The following CCDC92B variants were observed in gnomAD, a reference collection of about 807,000 sequenced individuals.
CCDC92B encodes the protein coiled-coil domain-containing 92B.
In CCDC92B, 2 loss-of-function variants were observed where a neutral mutation model predicts 5.6. That is an observed-to-expected ratio of 0.36 (90% confidence interval 0.15 to 1.12). The LOEUF (loss-of-function observed/expected upper bound fraction) is 1.12, where lower values mean the gene tolerates loss of function less well. CCDC92B is among the 50% of genes most tolerant of loss of function. The probability of loss-of-function intolerance (pLI) is 0.40; values close to 1 mark genes in which losing one functional copy is unlikely to be tolerated. For synonymous variants in CCDC92B, 115 were observed against 122.3 expected (o/e 0.94, Z 0.39); for missense variants, 271 against 262.2 (o/e 1.03, Z -0.23).
In CCDC92B at chr17:2,733,031, AAAATAAAT is replaced by A. The variant is rs35413178; in HGVS notation, c.130+1977_130+1984del. ...CTGTCTCAAAATAAATAAATAAATAAAAATAAATAAATAAATAAATAAATAAATAACTA... is the reference window on the plus strand; with the variant it reads ...CTGTCTCAAAATAAATAAATAAATAAAAATAAATAAATAAATAAATAACTA... On this transcript the variant is annotated intron_variant, in intron 2 of 3. Coordinates refer to ENST00000614400, the MANE Select transcript of CCDC92B (RefSeq NM_001355573.2). 1.6e-3 allele frequency among the ~76,000 whole-genome samples: 225 copies of A among 144,258 alleles called. 2 individuals are homozygous for A. Among genetic ancestry groups the A allele is most frequent in the African/African-American group, 4.4e-3 (175 of 39,812 alleles). The allele number at this position is 144,258 out of a possible 152,430, so 94.6% of individuals were successfully genotyped here.
chr17:2,730,568 AGAG>A, intron 2 of CCDC92B, 75 bp from the exon 3 acceptor site: 2 of 269,680 alleles, frequency 7.4e-6, no homozygotes, highest in Non-Finnish European at 9.8e-6. Context: ...TGTGTGAGAG[AGAG>A]AGAGAGAGAG....
rs2151735823 is a variant in CCDC92B at position 2,724,335 on chromosome 17, C to T, written c.*76G>A. On this transcript the variant is annotated 3_prime_UTR_variant, in exon 4 of 4. Transcript: ENST00000614400. The surrounding 1 kb of genome is among the most constrained non-coding windows in gnomAD (Gnocchi z 5.0). ...GGGGCGGCTGCCCTCCGACCCGGGA[C>T]CTGCCTGCGGGGACCGAGCTGCGTC... 1 of 985,198 alleles carries T rather than the reference C, an allele frequency of 1.0e-6. No homozygotes were observed. The highest frequency in any genetic ancestry group is 1.1e-4 in the East Asian group (1 of 8,742). 61.0% of individuals were successfully genotyped at this position (985,198 alleles called of 1,614,324 possible).
At chr17:2,741,597 T>C (rs1206911620) in intron 1 of CCDC92B, among the ~76,000 whole-genome samples, 4 of 136,416 alleles carry the variant, frequency 2.9e-5, no homozygotes, top group African/African-American at 6.3e-5. Context: ...GAGAATCTCT[T>C]TTTTTTTTTT....
intron 3 of CCDC92B, among the ~76,000 whole-genome samples, 195 bp downstream of exon 3, chr17:2,730,251 T>TCA (rs1469657453): frequency 6.6e-6 from 1 of 152,076 alleles, no homozygotes; most frequent in African/African-American, 2.4e-5. Context: ...TGCAGGTTGT[T>TCA]CACTGCACAA....
intron 3 of CCDC92B, among the ~76,000 whole-genome samples, chr17:2,725,443 G>A (rs769539325): frequency 1.3e-5 from 2 of 151,700 alleles, no homozygotes; most frequent in South Asian, 2.1e-4. Flanking sequence ...CCACCTGCAC[G>A]TCCTACCGCG....
At chr17:2,743,788 C>T (rs940107752) in intron 1 of CCDC92B, among the ~76,000 whole-genome samples, 1 of 152,180 alleles carries the variant, frequency 6.6e-6, no homozygotes, top group African/African-American at 2.4e-5. Context: ...AAAATAGAAG[C>T]TTTTGTTACT....
rs374575618 is a variant in CCDC92B, at chr17:2,729,119, G to A, written c.178+1327C>T. Among the ~76,000 whole-genome samples the A allele has an allele frequency of 8.7e-4, 132 of 152,176 alleles. 3 individuals are homozygous for A. In the East Asian group the frequency reaches 0.016, roughly 19 times the overall value. ...ACTCCTGGGCTCAAGTGATTCTCCT[G>A]CCTTGGTTTCCTAAAGTCTTGGGAT... On this transcript the variant is annotated intron_variant, in intron 3 of 3. Transcript: ENST00000614400.
chr17:2,730,107 C>T (rs2070776194), intron 3 of CCDC92B, among the ~76,000 whole-genome samples: 1 of 152,142 alleles, frequency 6.6e-6, no homozygotes, highest in African/African-American at 2.4e-5. Context: ...TCCTTCATGC[C>T]TTACTTTCCT....
At chr17:2,733,058 ATAAC>A (rs1377349185) in intron 2 of CCDC92B, among the ~76,000 whole-genome samples, 5 of 136,444 alleles carry the variant, frequency 3.7e-5, no homozygotes, top group Admixed American at 2.2e-4. Context: ...AAATAAATAA[ATAAC>A]TAGTAAAAAA....
chr17:2,743,570 G>T (rs1030528647), intron 1 of CCDC92B, among the ~76,000 whole-genome samples: 5 of 152,158 alleles, frequency 3.3e-5, no homozygotes, highest in Non-Finnish European at 5.9e-5. Context: ...GGCTCCCTCT[G>T]TCCTCATCCT....
In CCDC92B at chr17:2,744,419, G is replaced by C. The variant is rs1422181531; in HGVS notation, c.-24+4992C>G. On this transcript the variant is annotated intron_variant, in intron 1 of 3. Coordinates refer to ENST00000614400, the MANE Select transcript of CCDC92B (RefSeq NM_001355573.2). Reference sequence around the variant, plus strand: ...TTGCCCAGGCTGACCTCGAACTCCTGGTCTCAAGCAGTCTTCCGGCTTTGG... The same window carrying C: ...TTGCCCAGGCTGACCTCGAACTCCTCGTCTCAAGCAGTCTTCCGGCTTTGG... 3.3e-5 allele frequency among the ~76,000 whole-genome samples: 5 copies of C among 151,654 alleles called. No homozygotes were observed. In the East Asian group the frequency reaches 9.7e-4, roughly 29 times the overall value.
At chr17:2,748,506 TTGTGTGTGTGTGTGTGTG>T (rs58659149) in intron 1 of CCDC92B, 2 of 713,000 alleles carry the variant, frequency 2.8e-6, no homozygotes, top group African/African-American at 3.8e-5. Flanking sequence ...TTCATCGTGT[TTGTGTGTGTGTGTGTGTG>T]TGTGTGTGTG....
Position 2,724,316 on chromosome 17 carries a change from G to A in CCDC92B, c.*95C>T, listed in dbSNP as rs531083838. On this transcript the variant is annotated 3_prime_UTR_variant, in exon 4 of 4. Coordinates refer to ENST00000614400, the MANE Select transcript of CCDC92B (RefSeq NM_001355573.2). This position sits in a 1 kb window ranked among gnomAD's most constrained non-coding sequence, Gnocchi z 5.0. ...CGCCCCGCTTCCTGGAGGAGGGGCG[G>A]CTGCCCTCCGACCCGGGACCTGCCT... 3 of 985,032 alleles carry A rather than the reference G, an allele frequency of 3.0e-6. No homozygotes were observed. Among genetic ancestry groups the A allele is most frequent in the Non-Finnish European group, 3.6e-6 (3 of 829,848 alleles). 61.0% of individuals were successfully genotyped at this position (985,032 alleles called of 1,614,324 possible). A position where few individuals can be genotyped will look rare whatever the true frequency, so the allele number is the denominator to read the frequency against.
chr17:2,740,072 G>A (rs1044849080), intron 1 of CCDC92B, among the ~76,000 whole-genome samples: 2 of 152,074 alleles, frequency 1.3e-5, no homozygotes, highest in African/African-American at 4.8e-5. Context: ...AGAATAAAGA[G>A]GGGAACCTGC....
chr17:2,728,497 A>T (rs141029642), intron 3 of CCDC92B, among the ~76,000 whole-genome samples: 1,605 of 151,994 alleles, frequency 0.011, 14 homozygotes, highest in Middle Eastern at 0.031. Flanking sequence ...TCCCAGCTAC[A>T]CGGGAGACTG....
rs2070730279 is a variant in CCDC92B, at chr17:2,726,355, T to TG, written c.179-1356dup. Among the ~76,000 whole-genome samples, 7 of 150,816 alleles carry TG rather than the reference T, an allele frequency of 4.6e-5. No individual in the cohort carries two copies. In the South Asian group the frequency reaches 1.5e-3, roughly 32 times the overall value. ...ACCATGCCTGGCTTATTTTTTTTTTTGTATTTTTAGTAGAGACAGGGTTTC... is the reference window on the plus strand; with the variant it reads ...ACCATGCCTGGCTTATTTTTTTTTTTGGTATTTTTAGTAGAGACAGGGTTTC... On this transcript the variant is annotated intron_variant, in intron 3 of 3. Transcript: ENST00000614400.
Position 2,744,371 on chromosome 17 carries a change from G to A in CCDC92B, c.-24+5040C>T, listed in dbSNP as rs138883973. Among the ~76,000 whole-genome samples, 23 of 151,516 alleles carry A rather than the reference G, an allele frequency of 1.5e-4. 1 individual carries two copies. The East Asian group carries it at 4.4e-3, about 29-fold the overall frequency. Reference sequence around the variant, plus strand: ...TATTTTTATTTTTATTTTTGTTTTTGTAGAGACCAGAGTCTCACTAGGTTG... The same window carrying A: ...TATTTTTATTTTTATTTTTGTTTTTATAGAGACCAGAGTCTCACTAGGTTG... On this transcript the variant is annotated intron_variant, in intron 1 of 3. Transcript: ENST00000614400.
rs1243485035 is a variant in CCDC92B, at chr17:2,724,422, C to T, written c.757G>A (p.Asp253Asn). Residue 253 changes from aspartate to asparagine, a missense_variant, in exon 4 of 4, where the codon GAC becomes AAC. Asp to Asn is a conservative substitution (Grantham distance 23). Transcript: ENST00000614400. The surrounding 1 kb of genome is among the most constrained non-coding windows in gnomAD (Gnocchi z 5.0). ...GGCCAGCCTGGCGCCTACTCCGGGTCCCCGGGCGCGCTGGGCTGGCTGGGC... is the reference window on the plus strand; with the variant it reads ...GGCCAGCCTGGCGCCTACTCCGGGTTCCCGGGCGCGCTGGGCTGGCTGGGC... ...PAPSQPSAPG[D>N]PE 5.1e-6 allele frequency: 5 copies of T among 984,582 alleles called. No homozygotes were observed. Among genetic ancestry groups the T allele is most frequent in the Non-Finnish European group, 3.6e-6 (3 of 829,742 alleles). The allele number at this position is 984,582 out of a possible 1,614,324, so 61.0% of individuals were successfully genotyped here.
rs1555535097 is a variant in CCDC92B, at chr17:2,730,521, T to TTTTGTGTGTGTGTGTGTG, written c.131-29_131-28insCACACACACACACACAAA. 9.8e-6 allele frequency: 3 copies of TTTTGTGTGTGTGTGTGTG among 304,936 alleles called. No individual in the cohort carries two copies. In the African/African-American group the frequency reaches 1.2e-4, roughly 12 times the overall value. 18.9% of individuals were successfully genotyped at this position (304,936 alleles called of 1,614,324 possible). A position where few individuals can be genotyped will look rare whatever the true frequency, so the allele number is the denominator to read the frequency against. On this transcript the variant is annotated intron_variant, in intron 2 of 3. Coordinates refer to ENST00000614400, the MANE Select transcript of CCDC92B (RefSeq NM_001355573.2). ...GGGGGGAAAGAAAAGAAAAGGCAGT[T>TTTTGTGTGTGTGTGTGTG]TGTGTGTGTGTGTGTGTGTGTGTGT...
Sources: gnomAD v4.1 joint callset for allele counts (sites outside exome capture counted in the v4.1 genomes callset) on GRCh38, gnomAD v4.1.1 for gene constraint, Gnocchi (gnomAD v3.1) non-coding constraint, MANE v1.5 for transcripts, NCBI Gene and HGNC (gene_info 2026-07-23, HGNC 2026-07-21) for gene names.